Variants in VPS13B observed in about 807,000 individuals in gnomAD.
VPS13B encodes vacuolar protein sorting 13 homolog B.
Under a neutral mutation model 426.4 loss-of-function variants are expected in VPS13B, and 285 were observed. The observed-to-expected ratio is 0.67, with a 90% CI of 0.61 to 0.74. The LOEUF is 0.74. Ranked by LOEUF, VPS13B falls within the 30% of genes least tolerant of loss-of-function variation. VPS13B has a pLI of 0.00. For synonymous variants in VPS13B, 1,676 were observed against 1,676.4 expected, an observed-to-expected ratio of 1.00 and a Z score of 0.01; for missense variants, 4,537 against 4,782.6, an observed-to-expected ratio of 0.95 and a Z score of 1.51.
At position 99,332,535 on chromosome 8, in the gene VPS13B, T is replaced by G. The variant is rs192647155; in HGVS notation, c.2825-51673T>G. 5.1e-4 allele frequency among the ~76,000 whole-genome samples: 77 copies of G among 151,678 alleles called. 1 individual carries two copies. Among genetic ancestry groups the G allele is most frequent in the South Asian group, 4.2e-3 (20 of 4,816 alleles). ...TACATTCTCTGAGTGTCCCAAGAGG[T>G]ACAGTGTGGAAAGGATGTTTATGGT... On this transcript the variant is annotated intron_variant, in intron 19 of 61. Transcript: ENST00000357162.
intron 31 of VPS13B, among the ~76,000 whole-genome samples, chr8:99,563,134 A>C (rs1825016939): frequency 6.6e-6 from 1 of 152,206 alleles, no homozygotes; most frequent in East Asian, 1.9e-4. Flanking sequence ...CTTCACCTCC[A>C]TCCTCGTCAA....
chr8:99,032,473 T>A (rs1842549300), intron 2 of VPS13B, among the ~76,000 whole-genome samples: 1 of 152,000 alleles, frequency 6.6e-6, no homozygotes, highest in Admixed American at 6.5e-5. Flanking sequence ...TTTGATGTTC[T>A]ATTTTAATTC....
intron 51 of VPS13B, among the ~76,000 whole-genome samples, chr8:99,828,505 A>T (rs571708523): frequency 7.0e-6 from 1 of 142,586 alleles, no homozygotes; most frequent in South Asian, 2.4e-4. Context: ...TGCACATGAG[A>T]TGGGTCTCCT....
chr8:99,654,034 T>TG (rs1563846218), intron 34 of VPS13B, among the ~76,000 whole-genome samples: 107 of 143,352 alleles, frequency 7.5e-4, no homozygotes, highest in Non-Finnish European at 1.0e-3. Flanking sequence ...TGATGATGAT[T>TG]ATTATTATTA....
chr8:99,373,455 C>T (rs1266193022), intron 19 of VPS13B, among the ~76,000 whole-genome samples: 1 of 152,078 alleles, frequency 6.6e-6, no homozygotes, highest in Non-Finnish European at 1.5e-5. Context: ...CATCTTAAAG[C>T]ATTAATTACT....
At chr8:99,429,787 A>C (rs1348714107) in intron 21 of VPS13B, 1 of 152,218 alleles carries the variant, frequency 6.6e-6, no homozygotes, top group Admixed American at 6.5e-5. Context: ...CACAGTAGCC[A>C]GAGAAGTTCT....
chr8:99,430,381 ATTTAT>A (rs1234684491), intron 21 of VPS13B, among the ~76,000 whole-genome samples: 3 of 152,078 alleles, frequency 2.0e-5, no homozygotes, highest in Non-Finnish European at 4.4e-5. Flanking sequence ...TTTAGGTCTG[ATTTAT>A]TTATTTTATG....
intron 2 of VPS13B, 118 bp from the exon 3 acceptor site, chr8:99,038,302 AAAC>A: frequency 1.2e-6 from 1 of 800,382 alleles, no homozygotes; most frequent in African/African-American, 1.8e-5. Context: ...ATTAAGCACT[AAAC>A]AATAAGTCTC....
At chr8:99,372,119 C>T (rs1407932125) in intron 19 of VPS13B, among the ~76,000 whole-genome samples, 5 of 151,668 alleles carry the variant, frequency 3.3e-5, no homozygotes, top group East Asian at 1.9e-4. Flanking sequence ...GGCGAGGTGG[C>T]GGGCGCCTGT....
chr8:99,349,010 A>C (rs1811706538), intron 19 of VPS13B, among the ~76,000 whole-genome samples: 1 of 152,104 alleles, frequency 6.6e-6, no homozygotes, highest in African/African-American at 2.4e-5. Context: ...ATAGAAATAT[A>C]TTTTTAAAGG....
At chr8:99,873,131 A>G (rs1240417168) in intron 61 of VPS13B, 1 of 152,114 alleles carries the variant, frequency 6.6e-6, no homozygotes, top group Non-Finnish European at 1.5e-5. Context: ...TTAATGAGAA[A>G]CCTCCAAGGC....
chr8:99,717,559 G>T (rs970733860), intron 37 of VPS13B, among the ~76,000 whole-genome samples, 186 bp downstream of exon 37: 2 of 152,098 alleles, frequency 1.3e-5, no homozygotes, highest in Non-Finnish European at 2.9e-5. Flanking sequence ...CCTATTTCAA[G>T]TATACAATTC....
chr8:99,385,703 G>C (rs974202419), intron 20 of VPS13B, among the ~76,000 whole-genome samples: 1 of 152,132 alleles, frequency 6.6e-6, no homozygotes, highest in Non-Finnish European at 1.5e-5. Context: ...TGTATGTCCA[G>C]GATTATGTGA....
rs1416460390 is a variant in VPS13B at position 99,013,771 on chromosome 8, G to T, written c.-18G>T. On this transcript the variant is annotated 5_prime_UTR_variant, in exon 2 of 62. Coordinates refer to ENST00000357162, the MANE Select transcript of VPS13B (RefSeq NM_152564.5). ...TCTACTCCTTTCAGCTTCCGACTTC[G>T]ACTCCTTACCTTAAAAGATGCTGGA... 6.2e-6 allele frequency: 10 copies of T among 1,613,900 alleles called. No homozygotes were observed. Among genetic ancestry groups the T allele is most frequent in the South Asian group, 3.3e-5 (3 of 90,998 alleles).
At chr8:99,221,296 A>G (rs1260550507) in intron 17 of VPS13B, among the ~76,000 whole-genome samples, 1 of 151,262 alleles carries the variant, frequency 6.6e-6, no homozygotes, top group Non-Finnish European at 1.5e-5. Context: ...TCATTTGGGT[A>G]TATACCCAGT....
intron 35 of VPS13B, chr8:99,696,744 G>A: frequency 8.7e-7 from 1 of 1,148,086 alleles, no homozygotes; most frequent in Admixed American, 1.7e-5. Flanking sequence ...CGGGGGATGG[G>A]GGAGAGACCC....
At chr8:99,038,997 A>G (rs1842861136) in intron 3 of VPS13B, among the ~76,000 whole-genome samples, 1 of 152,110 alleles carries the variant, frequency 6.6e-6, no homozygotes, top group South Asian at 2.1e-4. Flanking sequence ...TAATTTGTAT[A>G]TGCCTGTTTA....
At chr8:99,250,664 C>CTTTT (rs60698750) in intron 17 of VPS13B, among the ~76,000 whole-genome samples, 3 of 35,806 alleles carry the variant, frequency 8.4e-5, no homozygotes, top group Non-Finnish European at 1.4e-4. Flanking sequence ...TGTGTTTATT[C>CTTTT]TTTTTTTTTT....
intron 37 of VPS13B, 22 bp downstream of exon 37, chr8:99,717,395 T>C (rs1262369579): frequency 6.2e-7 from 1 of 1,603,430 alleles, no homozygotes; most frequent in Admixed American, 1.7e-5. Flanking sequence ...TTGGCCATAT[T>C]TTTTTCATAG....
Sources: allele counts gnomAD v4.1 joint callset (sites outside exome capture counted in the v4.1 genomes callset), GRCh38; gene constraint gnomAD v4.1.1; transcripts MANE v1.5; gene names NCBI Gene and HGNC (gene_info 2026-07-23, HGNC 2026-07-21).